The following FBN1 variants were observed in gnomAD, a reference collection of about 807,000 sequenced individuals.
The protein encoded by FBN1 is fibrillin-1.
FBN1 carries 29 observed loss-of-function variants against 365.1 expected under a neutral mutation model. The ratio of observed to expected loss-of-function variants is 0.08; its 90% CI spans 0.06 to 0.11. The LOEUF (loss-of-function observed/expected upper bound fraction) is 0.11. Ranked by LOEUF, FBN1 falls within the 10% of genes least tolerant of loss-of-function variation. The pLI is 1.00. For missense variants in FBN1, 2,476 were observed against 3,703.2 expected (o/e 0.67, Z 8.60); for synonymous variants, 1,210 against 1,270.5 (o/e 0.95, Z 1.01).
intron 6 of FBN1, among the ~76,000 whole-genome samples, chr15:48,581,522 A>C (rs932828003): frequency 6.6e-6 from 1 of 152,162 alleles, no homozygotes; most frequent in Non-Finnish European, 1.5e-5. Flanking sequence ...TGCACAGCTC[A>C]ATTTCAGCTA....
At chr15:48,620,781 AACTG>A (rs1259880776) in intron 2 of FBN1, among the ~76,000 whole-genome samples, 1 of 152,208 alleles carries the variant, frequency 6.6e-6, no homozygotes, top group Non-Finnish European at 1.5e-5. Flanking sequence ...TAAGAAATAA[AACTG>A]ACCAAGAAGA....
intron 29 of FBN1, among the ~76,000 whole-genome samples, chr15:48,486,202 C>A (rs1008967887): frequency 7.9e-5 from 12 of 152,186 alleles, no homozygotes; most frequent in Non-Finnish European, 1.8e-4. Context: ...TTCTCTTGGC[C>A]ACAGATTCAC....
At chr15:48,538,820 T>G (rs2044034123) in intron 6 of FBN1, among the ~76,000 whole-genome samples, 1 of 152,098 alleles carries the variant, frequency 6.6e-6, no homozygotes, top group African/African-American at 2.4e-5. Context: ...TCAGAAGTGT[T>G]TAGGTGCAGT....
Position 48,483,942 on chromosome 15 carries a change from G to T in FBN1, c.3714C>A (p.Asp1238Glu). 1.9e-6 allele frequency: 3 copies of T among 1,612,662 alleles called. No homozygotes were observed. The highest frequency in any genetic ancestry group is 2.5e-6 in the Non-Finnish European group (3 of 1,179,932). The change falls in exon 31 of 66, where the codon GAC (aspartate) becomes GAA (glutamate). Residue 1238 changes from aspartate to glutamate, a missense_variant and splice_region_variant. Physicochemically the swap from Asp to Glu is conservative, Grantham distance 45. Around this residue, in one of 5 missense-constraint regions of FBN1, gnomAD observed 1,780 missense variants for 2,840.8 expected, o/e 0.63. Transcript: ENST00000316623. The stretch of plus-strand genomic sequence containing the variant: ...TGGGATTATCTTCACACTCATCGAT[G>T]TCTGCAAAGAATAAAACCAACAACC... ...ALMPDQRSCT[D>E]IDECEDNPNI...
Position 48,448,837 on chromosome 15 carries a change from T to C in FBN1, c.5602A>G (p.Thr1868Ala). 6.2e-7 allele frequency: 1 copy of C among 1,612,562 alleles called. No homozygotes were observed. Among genetic ancestry groups the C allele is most frequent in the Non-Finnish European group, 8.5e-7 (1 of 1,178,766 alleles). The change falls in exon 46 of 66, where the codon ACA becomes GCA. Residue 1868 changes from threonine (T) to alanine (A), a missense_variant. Coordinates refer to ENST00000316623, the MANE Select transcript of FBN1 (RefSeq NM_000138.5). ...CAAAGGCAATAAAAGCTTCCAACTG[T>C]GTCAATGCACTGCCCATGACTGCAT... ...NICSHGQCID[T>A]VGSFYCLCHT...
chr15:48,609,813 A>G (rs983649308), intron 4 of FBN1, among the ~76,000 whole-genome samples: 1 of 152,258 alleles, frequency 6.6e-6, no homozygotes, highest in Non-Finnish European at 1.5e-5. Context: ...GCTACACAGG[A>G]CAATTTGCCC....
intron 2 of FBN1, among the ~76,000 whole-genome samples, chr15:48,623,393 T>C (rs916743177): frequency 6.6e-6 from 1 of 152,258 alleles, no homozygotes; most frequent in African/African-American, 2.4e-5. Flanking sequence ...CTGACATGCC[T>C]GTCATTAACT....
At chr15:48,546,735 G>A (rs2044096305) in intron 6 of FBN1, among the ~76,000 whole-genome samples, 1 of 152,174 alleles carries the variant, frequency 6.6e-6, no homozygotes. Flanking sequence ...GTTTCAGGGA[G>A]GCTACTGAAG....
intron 16 of FBN1, 75 bp from the exon 17 acceptor site, chr15:48,504,014 G>C: frequency 6.4e-7 from 1 of 1,563,292 alleles, no homozygotes; most frequent in Non-Finnish European, 8.8e-7. Flanking sequence ...AAGTTGAAGA[G>C]GGCTTTATTT....
intron 6 of FBN1, among the ~76,000 whole-genome samples, chr15:48,580,495 A>G (rs905447965): frequency 1.3e-5 from 2 of 152,156 alleles, no homozygotes; most frequent in African/African-American, 2.4e-5. Flanking sequence ...TGGCTTCTCC[A>G]TATGACTTGG....
At chr15:48,447,665 TGA>T (rs149029100) in intron 46 of FBN1, among the ~76,000 whole-genome samples, 6 of 151,138 alleles carry the variant, frequency 4.0e-5, no homozygotes, top group Non-Finnish European at 7.4e-5. Flanking sequence ...AAGGATGAAA[TGA>T]GAGAGAGAGA....
At chr15:48,423,638 G>C (rs1240119216) in intron 60 of FBN1, among the ~76,000 whole-genome samples, 1 of 152,142 alleles carries the variant, frequency 6.6e-6, no homozygotes, top group African/African-American at 2.4e-5. Context: ...TGCTGCTCTT[G>C]CCTCCAAGAT....
chr15:48,471,472 C>T (rs1189894365), intron 35 of FBN1, among the ~76,000 whole-genome samples: 1 of 152,188 alleles, frequency 6.6e-6, no homozygotes, highest in Non-Finnish European at 1.5e-5. Context: ...GGCACAGTAC[C>T]TGTTTTCCTT....
chr15:48,416,133 G>A (rs556172811), intron 63 of FBN1, among the ~76,000 whole-genome samples: 111 of 152,298 alleles, frequency 7.3e-4, no homozygotes, highest in Middle Eastern at 3.4e-3. Flanking sequence ...GGGCTGGTCC[G>A]TAGCTAAGAT....
intron 6 of FBN1, among the ~76,000 whole-genome samples, chr15:48,553,682 T>C (rs948972939): frequency 6.6e-6 from 1 of 151,998 alleles, no homozygotes; most frequent in Non-Finnish European, 1.5e-5. Flanking sequence ...ATTTTTTTTT[T>C]CCAGATGTTA....
At chr15:48,411,553 G>A (rs1164350676) in intron 65 of FBN1, among the ~76,000 whole-genome samples, 174 bp from the exon 66 acceptor site, 1 of 152,208 alleles carries the variant, frequency 6.6e-6, no homozygotes, top group Non-Finnish European at 1.5e-5. Flanking sequence ...GCACATATTT[G>A]TAATATTTGA....
intron 6 of FBN1, among the ~76,000 whole-genome samples, chr15:48,553,495 A>G (rs772842099): frequency 1.4e-4 from 22 of 152,370 alleles, no homozygotes; most frequent in Admixed American, 7.2e-4. Flanking sequence ...ACCTTTAAAT[A>G]GGGTAACGGT....
chr15:48,586,722 G>A (rs573664545), intron 6 of FBN1, among the ~76,000 whole-genome samples: 14 of 152,242 alleles, frequency 9.2e-5, no homozygotes, highest in African/African-American at 3.1e-4. Flanking sequence ...AAATAATGAA[G>A]ATCTTCCTCC....
intron 29 of FBN1, among the ~76,000 whole-genome samples, chr15:48,486,516 C>T (rs537963022): frequency 6.6e-6 from 1 of 152,324 alleles, no homozygotes; most frequent in African/African-American, 2.4e-5. Context: ...ATTCTTGTCC[C>T]ACAAAAACCC....
Sources: gnomAD v4.1 joint callset for allele counts (sites outside exome capture counted in the v4.1 genomes callset) on GRCh38, gnomAD v4.1.1 for gene constraint, gnomAD v4.1.1 regional missense constraint, MANE v1.5 for transcripts, NCBI Gene and HGNC (gene_info 2026-07-23, HGNC 2026-07-21) for gene names.